The following BCO1 variants were observed in gnomAD, a reference collection of about 807,000 sequenced individuals.
BCO1 encodes beta-carotene oxygenase 1, also known as beta,beta-carotene 15,15'-dioxygenase.
In BCO1, 54 loss-of-function variants were observed where a neutral mutation model predicts 56.3. The observed-to-expected ratio is 0.96, with a 90% confidence interval of 0.77 to 1.20. The LOEUF (loss-of-function observed/expected upper bound fraction) is 1.20, where lower values mean the gene tolerates loss of function less well. Ranked by LOEUF, BCO1 falls within the 50% of genes most tolerant of loss-of-function variation. The pLI is 0.00. For synonymous variants in BCO1, 318 were observed against 266.1 expected, an observed-to-expected ratio of 1.20 and a Z score of -1.90; for missense variants, 801 against 690.9, an observed-to-expected ratio of 1.16 and a Z score of -1.79.
chr16:81,252,925 A>T (rs560368813), intron 2 of BCO1, among the ~76,000 whole-genome samples: 34 of 152,102 alleles, frequency 2.2e-4, no homozygotes, highest in Non-Finnish European at 4.0e-4. Context: ...CCTGGCCAAC[A>T]TGGTGAAACC....
At chr16:81,286,576 C>T (rs1908191740) in intron 9 of BCO1, among the ~76,000 whole-genome samples, 1 of 152,178 alleles carries the variant, frequency 6.6e-6, no homozygotes, top group South Asian at 2.1e-4. Context: ...TATTTTTAGG[C>T]AGGGTGTGGT....
intron 1 of BCO1, among the ~76,000 whole-genome samples, chr16:81,245,208 G>A (rs1294010821): frequency 6.6e-6 from 1 of 152,150 alleles, no homozygotes; most frequent in Non-Finnish European, 1.5e-5. Context: ...CTTGACCACA[G>A]TGGATCTTGG....
rs529606533 is a variant in BCO1, at chr16:81,287,406, G to C, written c.1414G>C (p.Gly472Arg). Residue 472 changes from glycine to arginine, a missense_variant and splice_region_variant, in exon 10 of 11, where the codon GGA (glycine) becomes CGA (arginine). By Grantham distance (125) the Gly-to-Arg change is moderately radical (BLOSUM62 -2). Coordinates refer to ENST00000258168, the MANE Select transcript of BCO1 (RefSeq NM_017429.3). ...PAPGAKDEDD[G>R]VILSAIVSTD... The stretch of plus-strand genomic sequence containing the variant: ...GCCAGGTGCCAAGGATGAGGATGAC[G>C]GTAAGACTCTAAGAAGCCACGCCTA... 5 of 1,612,388 alleles carry C rather than the reference G, an allele frequency of 3.1e-6. No individual in the cohort carries two copies. Among genetic ancestry groups the C allele is most frequent in the Non-Finnish European group, 4.2e-6 (5 of 1,178,874 alleles).
chr16:81,272,649 A>G (rs1907306723), intron 7 of BCO1, among the ~76,000 whole-genome samples: 1 of 152,226 alleles, frequency 6.6e-6, no homozygotes, highest in Admixed American at 6.5e-5. Flanking sequence ...TTACTTACAG[A>G]GACTTACAAA....
chr16:81,243,796 C>T (rs1177001484), intron 1 of BCO1, among the ~76,000 whole-genome samples: 1 of 152,102 alleles, frequency 6.6e-6, no homozygotes, highest in African/African-American at 2.4e-5. Flanking sequence ...GTTTTGGGTT[C>T]CTCCAGAGGC....
Position 81,287,320 on chromosome 16 carries a change from A to T in BCO1, c.1328A>T (p.Lys443Met). The T allele has an allele frequency of 6.2e-7, 1 of 1,613,872 alleles. No individual in the cohort carries two copies. The highest frequency in any genetic ancestry group is 8.5e-7 in the Non-Finnish European group (1 of 1,179,778). The change falls in exon 10 of 11, where the codon AAG becomes ATG. Residue 443 changes from lysine (K) to methionine (M), a missense_variant. Transcript: ENST00000258168. Reference protein sequence around the residue: ...TKIIKYDILTKSSLKWREDDC... With the variant: ...TKIIKYDILTMSSLKWREDDC... ...ATAATAAAATATGACATTCTCACAA[A>T]GTCATCCTTAAAATGGAGAGAGGAC...
intron 8 of BCO1, among the ~76,000 whole-genome samples, chr16:81,282,072 A>T (rs1030594167): frequency 1.1e-4 from 17 of 152,236 alleles, no homozygotes; most frequent in Non-Finnish European, 2.2e-4. Context: ...AGAGTGGGAC[A>T]GAGTGCATTT....
chr16:81,250,880 C>T (rs1376747439), intron 2 of BCO1, among the ~76,000 whole-genome samples: 2 of 152,102 alleles, frequency 1.3e-5, no homozygotes, highest in Non-Finnish European at 2.9e-5. Flanking sequence ...CGCGTCTGGC[C>T]ATTCAGTAAA....
chr16:81,259,461 T>G (rs1906346216), intron 2 of BCO1, among the ~76,000 whole-genome samples: 1 of 152,166 alleles, frequency 6.6e-6, no homozygotes, highest in Non-Finnish European at 1.5e-5. Context: ...ACCATTATAT[T>G]CCAGCCTGGG....
intron 2 of BCO1, among the ~76,000 whole-genome samples, chr16:81,246,850 C>CAAAAAA (rs71710906): frequency 4.8e-4 from 40 of 83,296 alleles, no homozygotes; most frequent in African/African-American, 1.0e-3. Context: ...GACTTTGTCT[C>CAAAAAA]AAAAAAAAAA....
intron 7 of BCO1, among the ~76,000 whole-genome samples, chr16:81,276,984 T>A (rs1463731094): frequency 8.3e-5 from 12 of 145,318 alleles, no homozygotes; most frequent in Non-Finnish European, 1.8e-4. Context: ...GGGGAACTGC[T>A]CGAACCCGGG....
At chr16:81,243,509 C>G (rs779401241) in intron 1 of BCO1, among the ~76,000 whole-genome samples, 1 of 151,858 alleles carries the variant, frequency 6.6e-6, no homozygotes, top group Non-Finnish European at 1.5e-5. Flanking sequence ...TGCTCTGTCA[C>G]CCAGGCTGGA....
chr16:81,278,132 C>T (rs1480289952), intron 7 of BCO1, among the ~76,000 whole-genome samples: 1 of 152,076 alleles, frequency 6.6e-6, no homozygotes, highest in African/African-American at 2.4e-5. Context: ...ACCTCCGCCT[C>T]CCAGGTTCAA....
chr16:81,277,065 C>A (rs368071574), intron 7 of BCO1, among the ~76,000 whole-genome samples: 1,764 of 94,566 alleles, frequency 0.019, no homozygotes, highest in African/African-American at 0.022. Flanking sequence ...GACTCGGTCT[C>A]AAAAAAAAAA....
intron 2 of BCO1, among the ~76,000 whole-genome samples, chr16:81,253,112 T>C (rs1391968299): frequency 5.3e-5 from 8 of 151,816 alleles, no homozygotes; most frequent in Admixed American, 5.3e-4. Context: ...TTGTCTCAAA[T>C]ATAAAAAATA....
rs143802124 is a variant in BCO1 at position 81,260,518 on chromosome 16, A to G, written c.323+713A>G. Among the ~76,000 whole-genome samples, 491 of 152,052 alleles carry G rather than the reference A, an allele frequency of 3.2e-3. 1 individual carries two copies. Among genetic ancestry groups the G allele is most frequent in the African/African-American group, 0.011 (454 of 41,484 alleles). ...TTCATTTCATTTTATTCATTTATTT[A>G]TTTATTTAAGATGGAGTTTCACTCT... On this transcript the variant is annotated intron_variant, in intron 3 of 10. Transcript: ENST00000258168.
chr16:81,268,267 C>A (rs538080861), intron 6 of BCO1, 136 bp downstream of exon 6: 1 of 812,348 alleles, frequency 1.2e-6, no homozygotes, highest in East Asian at 2.6e-5. Flanking sequence ...TACCCACCTT[C>A]CAGCAAGTTC....
chr16:81,259,190 G>A (rs996892830), intron 2 of BCO1, among the ~76,000 whole-genome samples: 1 of 152,160 alleles, frequency 6.6e-6, no homozygotes, highest in Non-Finnish European at 1.5e-5. Flanking sequence ...GTGAGAAAAT[G>A]TGTGTCTAAA....
chr16:81,262,308 T>A, intron 4 of BCO1, 25 bp downstream of exon 4: 1 of 1,606,334 alleles, frequency 6.2e-7, no homozygotes, highest in African/African-American at 1.3e-5. Flanking sequence ...GTAACCAGCA[T>A]CACTTCCTGA....
Sources: allele counts gnomAD v4.1 joint callset (sites outside exome capture counted in the v4.1 genomes callset), GRCh38; gene constraint gnomAD v4.1.1; transcripts MANE v1.5; gene names NCBI Gene and HGNC (gene_info 2026-07-23, HGNC 2026-07-21).